Variants in ZNF362 observed in about 807,000 individuals in gnomAD.
The protein encoded by ZNF362 is zinc finger protein 362.
ZNF362 carries 11 observed loss-of-function variants against 42.9 expected under a neutral mutation model. That is an observed-to-expected ratio of 0.26 (90% CI 0.16 to 0.42). ZNF362 has a LOEUF of 0.42. Ranked by LOEUF, ZNF362 falls within the 20% of genes least tolerant of loss-of-function variation. The pLI is 1.00. For synonymous variants in ZNF362, 255 were observed against 257.3 expected (o/e 0.99, Z 0.09); for missense variants, 362 against 576.2 (o/e 0.63, Z 3.81).
the ZNF362 span, among the ~76,000 whole-genome samples, chr1:33,171,453 G>A: frequency 6.6e-6 from 1 of 152,198 alleles, no homozygotes; most frequent in Non-Finnish European, 1.5e-5. Context: ...GCTAGTAAGA[G>A]GCAGAGGGGA....
Position 33,299,146 on chromosome 1 carries a change from C to G in ZNF362, c.*100C>G. ...CGGGGGCCCTCCAGGAACCACCAAG[C>G]TCTCTCACGACCTTCCCAATCTTCC... is the stretch of plus-strand genomic sequence containing the variant. On this transcript the variant is annotated 3_prime_UTR_variant, in exon 9 of 9. Transcript: ENST00000539719. 2.3e-6 allele frequency: 2 copies of G among 874,440 alleles called. No homozygotes were observed. The highest frequency in any genetic ancestry group is 3.7e-6 in the Non-Finnish European group (2 of 543,686). The allele number at this position is 874,440 out of a possible 1,614,324, so 54.2% of individuals were successfully genotyped here.
chr1:33,251,378 C>T, the ZNF362 span, among the ~76,000 whole-genome samples: 7 of 152,202 alleles, frequency 4.6e-5, no homozygotes, highest in Non-Finnish European at 8.8e-5. Flanking sequence ...TTGTCCACTT[C>T]TCTCCACCTC....
upstream of ZNF362, among the ~76,000 whole-genome samples, chr1:33,254,420 C>T (rs12040669): frequency 0.19 from 28,860 of 152,144 alleles, 3,127 homozygotes; most frequent in South Asian, 0.28. Flanking sequence ...TGCACCCGGC[C>T]GTGTCTTTAG....
chr1:33,237,427 T>TGA, the ZNF362 span, among the ~76,000 whole-genome samples: 63 of 152,196 alleles, frequency 4.1e-4, no homozygotes, highest in African/African-American at 1.5e-3. Context: ...TGTGTCAGCA[T>TGA]CTCTTCCCTA....
At chr1:33,238,326 CATAAAATAAAATAAA>C in the ZNF362 span, among the ~76,000 whole-genome samples, 9 of 85,168 alleles carry the variant, frequency 1.1e-4, no homozygotes, top group Admixed American at 1.0e-3. Context: ...CTCAAAATAA[CATAAAATAAAATAAA>C]ATAAAATAAA....
Position 33,294,334 on chromosome 1 carries a change from A to G in ZNF362, c.909-603A>G, listed in dbSNP as rs1340068680. Among the ~76,000 whole-genome samples the G allele has an allele frequency of 6.6e-6, 1 of 152,200 alleles. No individual in the cohort carries two copies. Among genetic ancestry groups the G allele is most frequent in the African/African-American group, 2.4e-5 (1 of 41,452 alleles). The stretch of plus-strand genomic sequence containing the variant: ...GTCACCCAGCTGGTTAATAGCCAGG[A>G]TGAGAACCCAGGAGTGGCAGGGACA... On this transcript the variant is annotated intron_variant, in intron 6 of 8. Coordinates refer to ENST00000539719, the MANE Select transcript of ZNF362 (RefSeq NM_152493.3). The surrounding 1 kb of genome is among the most constrained non-coding windows in gnomAD (Gnocchi z 4.2).
the ZNF362 span, among the ~76,000 whole-genome samples, chr1:33,171,254 A>T: frequency 6.6e-6 from 1 of 152,228 alleles, no homozygotes; most frequent in Admixed American, 6.5e-5. Context: ...GAGGAAGGAC[A>T]CTGGTAACGG....
rs55730909 is a variant in ZNF362, at chr1:33,262,297, CTTTTTTTTTTTT to C, written c.-89+5657_-89+5668del. 8.2e-3 allele frequency among the ~76,000 whole-genome samples: 393 copies of C among 48,220 alleles called. 2 individuals carry two copies. The highest frequency in any genetic ancestry group is 0.028 in the East Asian group (42 of 1,488). The allele number at this position is 48,220 out of a possible 152,430, so 31.6% of individuals were successfully genotyped here. A position where few individuals can be genotyped will look rare whatever the true frequency, so the allele number is the denominator to read the frequency against. On this transcript the variant is annotated intron_variant, in intron 1 of 8. Transcript: ENST00000539719. ...AACTTTGGGCAAAGGCTTTAGGATTCTTTTTTTTTTTTTTTTTTTTTTTTTGAGATGGAATCT... is the reference window on the plus strand; with the variant it reads ...AACTTTGGGCAAAGGCTTTAGGATTCTTTTTTTTTTTTTGAGATGGAATCT...
At chr1:33,216,398 G>A in the ZNF362 span, among the ~76,000 whole-genome samples, 2 of 148,098 alleles carry the variant, frequency 1.4e-5, no homozygotes, top group Non-Finnish European at 3.0e-5. Flanking sequence ...TCAGGAGTTC[G>A]AGACCAGACT....
At chr1:33,202,379 A>G in the ZNF362 span, among the ~76,000 whole-genome samples, 1 of 151,962 alleles carries the variant, frequency 6.6e-6, no homozygotes, top group Non-Finnish European at 1.5e-5. Flanking sequence ...GGCGGATCAC[A>G]AGGTCAGGAG....
At chr1:33,207,470 A>C in the ZNF362 span, among the ~76,000 whole-genome samples, 2 of 152,206 alleles carry the variant, frequency 1.3e-5, no homozygotes, top group African/African-American at 4.8e-5. Context: ...ATACCCACTA[A>C]TGAGATTGCT....
chr1:33,170,677 C>T, the ZNF362 span, among the ~76,000 whole-genome samples: 5 of 152,094 alleles, frequency 3.3e-5, no homozygotes, highest in South Asian at 2.1e-4. Context: ...ACCCTAGAGT[C>T]CAGAAGGTAG....
At chr1:33,298,887 C>G (rs1368471466) in intron 8 of ZNF362, 43 bp from the exon 9 acceptor site, 2 of 1,560,158 alleles carry the variant, frequency 1.3e-6, no homozygotes, top group African/African-American at 2.7e-5. Flanking sequence ...TTCTCCCTCC[C>G]TTGCTGGTGG....
the ZNF362 span, among the ~76,000 whole-genome samples, chr1:33,232,753 C>A: frequency 6.6e-6 from 1 of 152,160 alleles, no homozygotes. Context: ...AAATGACCTC[C>A]TTATGGCTTA....
the ZNF362 span, chr1:33,181,306 C>A: frequency 6.4e-7 from 1 of 1,559,380 alleles, no homozygotes; most frequent in African/African-American, 1.4e-5. The surrounding 1 kb of genome is among the most constrained non-coding windows in gnomAD (Gnocchi z 6.5). Flanking sequence ...CCCTGCGCCT[C>A]CTGCCGCACC....
chr1:33,186,634 C>T, the ZNF362 span, among the ~76,000 whole-genome samples: 1 of 146,382 alleles, frequency 6.8e-6, no homozygotes, highest in Non-Finnish European at 1.5e-5. Flanking sequence ...GGTGAAACCC[C>T]CATCTCTACT....
At chr1:33,287,232 G>A (rs778187265) in intron 6 of ZNF362, among the ~76,000 whole-genome samples, 28 of 152,334 alleles carry the variant, frequency 1.8e-4, no homozygotes, top group Middle Eastern at 3.4e-3. Flanking sequence ...TGTAAGGGTC[G>A]TCTGTACCTG....
the ZNF362 span, among the ~76,000 whole-genome samples, chr1:33,186,591 A>C: frequency 0.75 from 110,995 of 148,014 alleles, 41,641 homozygotes; most frequent in Admixed American, 0.78. Context: ...GGATCACCTG[A>C]GGTCAGGAGT....
At chr1:33,298,865 A>C (rs1043719875) in intron 8 of ZNF362, 65 bp from the exon 9 acceptor site, 164 of 1,397,650 alleles carry the variant, frequency 1.2e-4, no homozygotes, top group Middle Eastern at 1.8e-4. Flanking sequence ...TGCTGGTGGG[A>C]ACTGCAGCCT....
Sources: allele counts gnomAD v4.1 joint callset (sites outside exome capture counted in the v4.1 genomes callset), GRCh38; gene constraint gnomAD v4.1.1; non-coding constraint Gnocchi (gnomAD v3.1); transcripts MANE v1.5; gene names NCBI Gene and HGNC (gene_info 2026-07-23, HGNC 2026-07-21).